Variants in ROBO2 observed in about 807,000 individuals in gnomAD.
ROBO2 encodes roundabout homolog 2.
Under a neutral mutation model 160.8 loss-of-function variants are expected in ROBO2, and 53 were observed. That is an observed-to-expected ratio of 0.33 (90% CI 0.26 to 0.41). The LOEUF is 0.41. Ranked by LOEUF, ROBO2 falls within the 10% of genes least tolerant of loss-of-function variation. The pLI, the probability that ROBO2 is intolerant of heterozygous loss-of-function variation, is 1.00. For synonymous variants in ROBO2, 664 were observed against 611.7 expected, an observed-to-expected ratio of 1.09 and a Z score of -1.26; for missense variants, 1,577 against 1,722.4, an observed-to-expected ratio of 0.92 and a Z score of 1.49.
At chr3:77,275,265 G>A (rs2153361840) in intron 2 of ROBO2, among the ~76,000 whole-genome samples, 1 of 152,262 alleles carries the variant, frequency 6.6e-6, no homozygotes, top group African/African-American at 2.4e-5. Flanking sequence ...GATACTATGT[G>A]ATAAGGCAAA....
chr3:76,083,337 A>T (rs1285714749), intron 2 of ROBO2, among the ~76,000 whole-genome samples: 1 of 152,162 alleles, frequency 6.6e-6, no homozygotes, highest in African/African-American at 2.4e-5. Flanking sequence ...AAAAGTATTA[A>T]GATCAGGAAA....
chr3:77,222,815 C>A (rs2085994966), intron 2 of ROBO2, among the ~76,000 whole-genome samples: 1 of 152,130 alleles, frequency 6.6e-6, no homozygotes, highest in Non-Finnish European at 1.5e-5. Flanking sequence ...ATGTGGTCTA[C>A]TCCTAATTTC....
At chr3:76,765,899 C>T (rs2061553446) in intron 2 of ROBO2, among the ~76,000 whole-genome samples, 1 of 151,610 alleles carries the variant, frequency 6.6e-6, no homozygotes, top group South Asian at 2.1e-4. Flanking sequence ...CAATTTGTTA[C>T]ACATCAATCG....
At chr3:76,905,278 T>C (rs892479663) in intron 2 of ROBO2, among the ~76,000 whole-genome samples, 1 of 152,036 alleles carries the variant, frequency 6.6e-6, no homozygotes, top group African/African-American at 2.4e-5. Flanking sequence ...AGGGGAGGCG[T>C]TATAATCGGG....
chr3:76,587,941 T>A (rs1203802365), intron 2 of ROBO2, among the ~76,000 whole-genome samples: 2 of 151,880 alleles, frequency 1.3e-5, no homozygotes, highest in African/African-American at 4.9e-5. Flanking sequence ...CCTAATTCAT[T>A]TTTTAGCTAG....
intron 2 of ROBO2, among the ~76,000 whole-genome samples, chr3:76,317,096 CGTCT>C (rs2072098482): frequency 6.6e-6 from 1 of 152,130 alleles, no homozygotes; most frequent in African/African-American, 2.4e-5. Context: ...TTGTTATGTG[CGTCT>C]GTGTCTTTTT....
Position 76,194,353 on chromosome 3 carries a change from A to ATATATATATATAT in ROBO2, c.109+256751_109+256752insTATATATATATAT, listed in dbSNP as rs1553672736. On this transcript the variant is annotated intron_variant, in intron 2 of 26. Coordinates refer to the ROBO2 transcript ENST00000487694. ...TCTATATAAATATGTATGGTGTGTA[A>ATATATATATATAT]ATATATATATATATATATATATATA... 1.5e-3 allele frequency among the ~76,000 whole-genome samples: 144 copies of ATATATATATATAT among 94,500 alleles called. 13 individuals are homozygous for ATATATATATATAT. The highest frequency in any genetic ancestry group is 2.0e-3 in the South Asian group (6 of 2,982). The allele number at this position is 94,500 out of a possible 152,430, so 62.0% of individuals were successfully genotyped here.
intron 2 of ROBO2, among the ~76,000 whole-genome samples, chr3:76,731,884 G>A (rs1315451037): frequency 6.6e-6 from 1 of 152,174 alleles, no homozygotes; most frequent in African/African-American, 2.4e-5. Context: ...AAATATGCCT[G>A]AAGTGTGAGT....
chr3:76,731,780 T>C (rs1162996651), intron 2 of ROBO2, among the ~76,000 whole-genome samples: 7 of 152,194 alleles, frequency 4.6e-5, no homozygotes, highest in African/African-American at 1.7e-4. Context: ...AACATAATTG[T>C]AATGAGAGAA....
chr3:77,640,395 T>A (rs1364272368), intron 24 of ROBO2, among the ~76,000 whole-genome samples: 2 of 152,144 alleles, frequency 1.3e-5, no homozygotes, highest in Admixed American at 6.5e-5. Flanking sequence ...TTTACAGGCG[T>A]GAGCCACTGC....
intron 1 of ROBO2, among the ~76,000 whole-genome samples, chr3:77,079,588 C>T (rs569232745): frequency 3.3e-5 from 5 of 152,338 alleles, no homozygotes; most frequent in Middle Eastern, 3.4e-3. Flanking sequence ...AAAGCAACCT[C>T]GTAAGTCTCA....
At chr3:77,179,025 C>A (rs1579685709) in intron 2 of ROBO2, among the ~76,000 whole-genome samples, 1 of 152,052 alleles carries the variant, frequency 6.6e-6, no homozygotes, top group East Asian at 1.9e-4. Flanking sequence ...TAGGTATGTA[C>A]TAACATATCA....
chr3:76,098,741 C>T (rs2069561499), intron 2 of ROBO2, among the ~76,000 whole-genome samples: 3 of 152,010 alleles, frequency 2.0e-5, no homozygotes, highest in Admixed American at 2.0e-4. Context: ...GAGGTAATAA[C>T]TACAAATGGC....
At chr3:76,117,764 T>C (rs560099377) in intron 2 of ROBO2, among the ~76,000 whole-genome samples, 2 of 152,298 alleles carry the variant, frequency 1.3e-5, no homozygotes, top group South Asian at 4.1e-4. Flanking sequence ...GAGACAGATG[T>C]TGAATATAAA....
chr3:77,252,831 A>AAAAAAT, intron 2 of ROBO2, among the ~76,000 whole-genome samples: 10 of 12,506 alleles, frequency 8.0e-4, no homozygotes, highest in East Asian at 2.8e-3. Context: ...AAAAAAAAAA[A>AAAAAAT]ATATATATAT....
At chr3:76,855,238 A>G (rs1019095377) in intron 2 of ROBO2, among the ~76,000 whole-genome samples, 5 of 152,168 alleles carry the variant, frequency 3.3e-5, no homozygotes, top group Non-Finnish European at 4.4e-5. Context: ...CTCAAATTTA[A>G]TCAAAATCTT....
At chr3:76,799,452 T>C (rs997255098) in intron 2 of ROBO2, among the ~76,000 whole-genome samples, 1 of 151,890 alleles carries the variant, frequency 6.6e-6, no homozygotes, top group African/African-American at 2.4e-5. Flanking sequence ...TTGCAGTTGA[T>C]ATGTTCTTAT....
intron 2 of ROBO2, among the ~76,000 whole-genome samples, chr3:77,433,486 G>GTGTATATATATATATATATATA (rs1553954821): frequency 3.0e-5 from 3 of 99,402 alleles, no homozygotes; most frequent in African/African-American, 1.1e-4. Context: ...CTGGCAACTT[G>GTGTATATATATATATATATATA]TATATATATA....
intron 2 of ROBO2, among the ~76,000 whole-genome samples, chr3:76,674,878 C>T (rs554400174): frequency 1.3e-5 from 2 of 151,540 alleles, no homozygotes; most frequent in East Asian, 1.9e-4. Context: ...CACCATGTGG[C>T]GAAGTTTAAA....
Sources: gnomAD v4.1 joint callset for allele counts (sites outside exome capture counted in the v4.1 genomes callset) on GRCh38, gnomAD v4.1.1 for gene constraint, MANE v1.5 for transcripts, NCBI Gene and HGNC (gene_info 2026-07-23, HGNC 2026-07-21) for gene names.